Variants in MYO15B observed in about 807,000 individuals in gnomAD.
MYO15B encodes myosin XVB pseudogene.
A neutral mutation model predicts 119.3 loss-of-function variants in MYO15B; 207 were observed. The observed-to-expected ratio is 1.73, with a 90% CI of 1.55 to 1.95. The LOEUF (loss-of-function observed/expected upper bound fraction) is 1.95. MYO15B is among the 30% of genes most tolerant of loss of function. The pLI is 0.00. For missense variants in MYO15B, 2,264 were observed against 1,203.1 expected (o/e 1.88, Z -13.04); for synonymous variants, 966 against 498.9 (o/e 1.94, Z -12.48).
At position 75,625,978 on chromosome 17, in the gene MYO15B, G is replaced by A. The variant is rs2059026211; in HGVS notation, c.9072+1G>A. The A allele has an allele frequency of 1.0e-5, 7 of 701,656 alleles. No individual in the cohort carries two copies. Among genetic ancestry groups the A allele is most frequent in the Non-Finnish European group, 1.8e-5 (7 of 384,422 alleles). The allele number at this position is 701,656 out of a possible 1,614,324, so 43.5% of individuals were successfully genotyped here. A position where few individuals can be genotyped will look rare whatever the true frequency, so the allele number is the denominator to read the frequency against. On this transcript the variant is annotated splice_donor_variant, in intron 62 of 63. Transcript: ENST00000645453. LOFTEE classifies it high-confidence loss of function. ...CATCCTCATGGACCCCAGCTCCCAG[G>A]TGGGCACAGCTCTTGCCTCAGCACT...
At position 75,620,656 on chromosome 17, in the gene MYO15B, G is replaced by T; in HGVS notation, c.7725+20G>T. On this transcript the variant is annotated intron_variant, in intron 49 of 63. Transcript: ENST00000645453. The stretch of plus-strand genomic sequence containing the variant: ...TCAGAGGTGAGGAAGATGGGAGAGG[G>T]ACAAGCAGAGGCAAGGCCTGCCTGA... 1 of 695,726 alleles carries T rather than the reference G, an allele frequency of 1.4e-6. No individual in the cohort carries two copies. The highest frequency in any genetic ancestry group is 1.5e-5 in the South Asian group (1 of 67,350). 43.1% of individuals were successfully genotyped at this position (695,726 alleles called of 1,614,324 possible).
chr17:75,625,808 A>G (rs1342896169), intron 61 of MYO15B, 36 bp from the exon 62 acceptor site: 1 of 701,694 alleles, frequency 1.4e-6, no homozygotes, highest in African/African-American at 1.7e-5. Flanking sequence ...GGGCCCCAGC[A>G]GTCAGATTTC....
chr17:75,612,802 C>T (rs921119122), exon 26 of MYO15B: 4 of 702,984 alleles, frequency 5.7e-6, no homozygotes, highest in Admixed American at 2.0e-5. Flanking sequence ...TTGCAGGAAC[C>T]GTCCCTGCCC....
chr17:75,626,572 A>T (rs889394177), exon 64 of MYO15B: 17 of 694,246 alleles, frequency 2.4e-5, no homozygotes, highest in African/African-American at 5.3e-5. Context: ...CTATCAGATC[A>T]CTGTTCTAGA....
At chr17:75,618,503 A>C (rs1280933962) in intron 43 of MYO15B, among the ~76,000 whole-genome samples, 1 of 152,054 alleles carries the variant, frequency 6.6e-6, no homozygotes, top group Non-Finnish European at 1.5e-5. Flanking sequence ...AAATACAAAA[A>C]TCAGGCGTGG....
chr17:75,626,143 C>G, exon 63 of MYO15B: 3 of 703,106 alleles, frequency 4.3e-6, no homozygotes, highest in Non-Finnish European at 7.8e-6. Context: ...CTGCTAAGCC[C>G]TCTGGAGGAG....
In MYO15B at chr17:75,622,025, AC is replaced by A. The variant is rs1235157242; in HGVS notation, c.8029del (p.Gln2677SerfsTer17). On this transcript the variant is annotated frameshift_variant, in exon 53 of 64. Coordinates refer to ENST00000645453, the Ensembl canonical transcript of MYO15B. LOFTEE classifies it high-confidence loss of function. ...GCAGCCCTGATGCGGTTTATGGGTG[AC>A]CAGTCCAAGCCCCGGGGCAAGGATG... is the stretch of plus-strand genomic sequence containing the variant. The A allele has an allele frequency of 1.4e-6, 1 of 702,842 alleles. No homozygotes were observed. The highest frequency in any genetic ancestry group is 2.6e-6 in the Non-Finnish European group (1 of 385,004). 43.5% of individuals were successfully genotyped at this position (702,842 alleles called of 1,614,324 possible).
chr17:75,589,969 G>A lies in MYO15B; in HGVS notation c.1912G>A (p.Ala638Thr). The A allele has an allele frequency of 2.5e-6, 1 of 398,730 alleles. No homozygotes were observed. The highest frequency in any genetic ancestry group is 3.6e-5 in the East Asian group (1 of 28,072). The allele number at this position is 398,730 out of a possible 1,614,324, so 24.7% of individuals were successfully genotyped here. The change falls in exon 1 of 64, where the codon GCG becomes ACG. Residue 638 changes from alanine to threonine, a missense_variant. Transcript: ENST00000645453. This position sits in a 1 kb window ranked among gnomAD's most constrained non-coding sequence, Gnocchi z 4.2. ...CAATGACGAGCCCCCGGTGCGCTGGGCGCAGGGCTCAGGCCCCCACGAGGG... is the reference window on the plus strand; with the variant it reads ...CAATGACGAGCCCCCGGTGCGCTGGACGCAGGGCTCAGGCCCCCACGAGGG...
At chr17:75,610,815 G>A (rs982092210) in intron 22 of MYO15B, 85 bp from the exon 23 acceptor site, 32 of 699,842 alleles carry the variant, frequency 4.6e-5, no homozygotes, top group South Asian at 3.1e-4. Context: ...GGGGCAGGAG[G>A]GGACAGCTGA....
At chr17:75,591,141 C>G (rs905928351) in intron 3 of MYO15B, 31 bp from the exon 4 acceptor site, 1 of 702,820 alleles carries the variant, frequency 1.4e-6, no homozygotes, top group Non-Finnish European at 2.6e-6. Flanking sequence ...TCCCAGGTCC[C>G]CATGTCTGGC....
Position 75,589,696 on chromosome 17 carries a change from TTCCCCAGGA to T in MYO15B, c.1643_1651del (p.Pro548_Ile550del). ...TCCAGATCCCAAGTTCGCGGTCGTG[TTCCCCAGGA>T]TCCACAGGGCAGGGCGGGCGTCGAG... On this transcript the variant is annotated inframe_deletion, in exon 1 of 64. Transcript: ENST00000645453. The surrounding 1 kb of genome is among the most constrained non-coding windows in gnomAD (Gnocchi z 4.2). 1 of 398,786 alleles carries T rather than the reference TTCCCCAGGA, an allele frequency of 2.5e-6. No homozygotes were observed. The highest frequency in any genetic ancestry group is 4.4e-6 in the Non-Finnish European group (1 of 226,008). 24.7% of individuals were successfully genotyped at this position (398,786 alleles called of 1,614,324 possible). A position where few individuals can be genotyped will look rare whatever the true frequency, so the allele number is the denominator to read the frequency against.
chr17:75,598,915 G>C (rs1389151094), intron 14 of MYO15B, among the ~76,000 whole-genome samples: 2 of 152,122 alleles, frequency 1.3e-5, no homozygotes, highest in Admixed American at 1.3e-4. Flanking sequence ...ACCATTTTCT[G>C]AGTCCGAGGT....
At chr17:75,593,311 C>G (rs1270977035) in intron 9 of MYO15B, among the ~76,000 whole-genome samples, 1 of 151,674 alleles carries the variant, frequency 6.6e-6, no homozygotes, top group South Asian at 2.1e-4. Context: ...CTAGAGCAGC[C>G]TGGGCAACAT....
At chr17:75,600,029 CTTTTTTT>C (rs1012190499) in intron 14 of MYO15B, among the ~76,000 whole-genome samples, 1 of 128,288 alleles carries the variant, frequency 7.8e-6, no homozygotes, top group Non-Finnish European at 1.7e-5. Context: ...TTTCTTTTTT[CTTTTTTT>C]TTTTTGAGAC....
chr17:75,594,066 G>C (rs1360609747), intron 9 of MYO15B, among the ~76,000 whole-genome samples: 4 of 145,900 alleles, frequency 2.7e-5, no homozygotes, highest in African/African-American at 1.0e-4. Context: ...TTCAGGCCTG[G>C]GTAACAGAGT....
At chr17:75,614,909 C>T (rs757161915) in intron 32 of MYO15B, 52 bp from the exon 33 acceptor site, 1 of 702,872 alleles carries the variant, frequency 1.4e-6, no homozygotes, top group Non-Finnish European at 2.6e-6. Context: ...TCTGCTGCCC[C>T]TTCCATTTTT....
At chr17:75,606,160 A>C in intron 21 of MYO15B, 139 bp downstream of exon 21, 2 of 560,892 alleles carry the variant, frequency 3.6e-6, no homozygotes, top group East Asian at 5.8e-5. Context: ...TCGGCATGTG[A>C]CTCTCCTTGA....
exon 8 of MYO15B, chr17:75,592,465 T>C (rs1249783411): frequency 3.3e-6 from 2 of 612,564 alleles, no homozygotes; most frequent in Non-Finnish European, 5.8e-6. Context: ...TTTTACAAGC[T>C]GCTGGCAGGG....
chr17:75,613,965 G>A, intron 29 of MYO15B, 188 bp downstream of exon 29: 1 of 586,892 alleles, frequency 1.7e-6, no homozygotes, highest in East Asian at 2.8e-5. Context: ...TCCCACGGCA[G>A]ATTCTAACTC....
Sources: allele counts gnomAD v4.1 joint callset (sites outside exome capture counted in the v4.1 genomes callset), GRCh38; gene constraint gnomAD v4.1.1; non-coding constraint Gnocchi (gnomAD v3.1); transcripts MANE v1.5; gene names NCBI Gene and HGNC (gene_info 2026-07-23, HGNC 2026-07-21).